Variants in ZNF521 observed in about 807,000 individuals in gnomAD.
ZNF521 encodes LYST-interacting protein 3.
A neutral mutation model predicts 105.5 loss-of-function variants in ZNF521; 14 were observed. The ratio of observed to expected loss-of-function variants is 0.13; its 90% CI spans 0.09 to 0.21. ZNF521 has a LOEUF of 0.21. Ranked by LOEUF, ZNF521 falls within the 10% of genes least tolerant of loss-of-function variation. ZNF521 has a pLI of 1.00. For synonymous variants in ZNF521, 635 were observed against 606.0 expected (o/e 1.05, Z -0.70); for missense variants, 1,233 against 1,629.7 (o/e 0.76, Z 4.19).
chr18:25,100,965 C>A (rs2144256311), intron 5 of ZNF521, among the ~76,000 whole-genome samples: 1 of 152,272 alleles, frequency 6.6e-6, no homozygotes, highest in South Asian at 2.1e-4. Flanking sequence ...TGCCAGAAGG[C>A]AGAGGAGCAT....
intron 7 of ZNF521, among the ~76,000 whole-genome samples, chr18:25,068,276 T>C (rs1440298383): frequency 1.3e-5 from 2 of 152,238 alleles, no homozygotes; most frequent in African/African-American, 4.8e-5. Flanking sequence ...TGTTTTTTCT[T>C]TAGTTGAAGA....
chr18:25,116,924 T>C (rs1350562185), intron 5 of ZNF521, among the ~76,000 whole-genome samples: 2 of 127,982 alleles, frequency 1.6e-5, no homozygotes, highest in African/African-American at 3.2e-5. Flanking sequence ...TATATCTATG[T>C]ATATATATAC....
intron 7 of ZNF521, among the ~76,000 whole-genome samples, chr18:25,063,457 G>T (rs1198098018): frequency 6.6e-6 from 1 of 152,130 alleles, no homozygotes; most frequent in Non-Finnish European, 1.5e-5. Flanking sequence ...CTGTATATTG[G>T]TGGTCCCTGC....
intron 4 of ZNF521, among the ~76,000 whole-genome samples, chr18:25,222,209 C>G (rs150398372): frequency 1.8e-4 from 27 of 152,202 alleles, no homozygotes; most frequent in African/African-American, 6.0e-4. Flanking sequence ...AAAACTTAAA[C>G]AAGTATTTTA....
intron 5 of ZNF521, among the ~76,000 whole-genome samples, chr18:25,149,102 A>G (rs113524594): frequency 0.018 from 2,810 of 152,292 alleles, 80 homozygotes; most frequent in African/African-American, 0.062. Flanking sequence ...CCACTGGCCA[A>G]ATATAGTCTG....
At chr18:25,169,831 C>T (rs1178716464) in intron 5 of ZNF521, among the ~76,000 whole-genome samples, 1 of 152,114 alleles carries the variant, frequency 6.6e-6, no homozygotes, top group East Asian at 1.9e-4. Context: ...GTTAATCTCA[C>T]TATACTAATA....
intron 4 of ZNF521, among the ~76,000 whole-genome samples, chr18:25,221,979 T>C (rs1905754626): frequency 6.6e-6 from 1 of 152,156 alleles, no homozygotes; most frequent in Non-Finnish European, 1.5e-5. Context: ...TTATAACAAA[T>C]AGTATGATGA....
At chr18:25,089,431 A>C in intron 7 of ZNF521, 34 bp downstream of exon 7, 1 of 1,496,898 alleles carries the variant, frequency 6.7e-7, no homozygotes, top group Non-Finnish European at 9.3e-7. Flanking sequence ...ATAGCAACTG[A>C]GTTCAATCCC....
At chr18:25,249,759 G>C (rs990562243) in intron 3 of ZNF521, among the ~76,000 whole-genome samples, 1 of 152,088 alleles carries the variant, frequency 6.6e-6, no homozygotes, top group African/African-American at 2.4e-5. Flanking sequence ...ACCATTCCTG[G>C]TCTTCTTTAC....
intron 3 of ZNF521, among the ~76,000 whole-genome samples, chr18:25,265,071 C>T (rs1475273373): frequency 2.6e-5 from 4 of 152,118 alleles, no homozygotes; most frequent in African/African-American, 9.7e-5. Context: ...AATAGGTTCC[C>T]TTCTAAAACT....
At chr18:25,265,525 C>G (rs190295756) in intron 3 of ZNF521, among the ~76,000 whole-genome samples, 3 of 152,322 alleles carry the variant, frequency 2.0e-5, no homozygotes, top group Non-Finnish European at 2.9e-5. Flanking sequence ...CTAAGGAGCG[C>G]TCTACATATC....
At chr18:25,203,294 C>G (rs2036023187) in intron 4 of ZNF521, among the ~76,000 whole-genome samples, 2 of 152,034 alleles carry the variant, frequency 1.3e-5, no homozygotes. Context: ...GATCTGAGGT[C>G]TAAAATGGGA....
Position 25,089,571 on chromosome 18 carries a change from T to C in ZNF521, c.3800A>G (p.Gln1267Arg). 7 of 1,613,388 alleles carry C rather than the reference T, an allele frequency of 4.3e-6. No individual in the cohort carries two copies. The highest frequency in any genetic ancestry group is 5.9e-6 in the Non-Finnish European group (7 of 1,179,300). ...AATATGCTGCTGCAACTTGTTTGCTTGAACAAATACTGAAATGATAAAAGA... is the reference window on the plus strand; with the variant it reads ...AATATGCTGCTGCAACTTGTTTGCTCGAACAAATACTGAAATGATAAAAGA... ...KCPVCFTVFV[Q>R]ANKLQQHIFS... The change falls in exon 7 of 8, where the codon CAA (glutamine) becomes CGA (arginine). Residue 1267 changes from glutamine to arginine, a missense_variant. Gln to Arg is a conservative substitution (Grantham distance 43). Around this residue, in one of 6 missense-constraint regions of ZNF521, gnomAD observed 76 missense variants for 137.2 expected, o/e 0.55. Transcript: ENST00000361524.
Position 25,085,345 on chromosome 18 carries a change from T to C in ZNF521, c.3906+4120A>G, listed in dbSNP as rs374625665. ...TTTGGTCAGCAAGGTTTATGGGTTG[T>C]GTGATGAACGTAACTTCTACACTGG... On this transcript the variant is annotated intron_variant, in intron 7 of 7. Coordinates refer to ENST00000361524, the MANE Select transcript of ZNF521 (RefSeq NM_015461.3). Among the ~76,000 whole-genome samples, 88 of 152,000 alleles carry C rather than the reference T, an allele frequency of 5.8e-4. No individual in the cohort carries two copies. The East Asian group carries it at 0.013, about 22-fold the overall frequency.
intron 5 of ZNF521, among the ~76,000 whole-genome samples, chr18:25,169,132 T>C (rs1331608480): frequency 6.6e-6 from 1 of 152,236 alleles, no homozygotes; most frequent in Non-Finnish European, 1.5e-5. Flanking sequence ...CCCTTTTAAC[T>C]GTCCAACTAT....
intron 3 of ZNF521, among the ~76,000 whole-genome samples, chr18:25,233,461 A>C (rs561959644): frequency 1.6e-4 from 24 of 152,300 alleles, no homozygotes; most frequent in Admixed American, 1.4e-3. Context: ...CTTTAAAATT[A>C]TTTATAATTC....
Position 25,148,837 on chromosome 18 carries a change from T to C in ZNF521, c.3658+46323A>G, listed in dbSNP as rs985134675. 3.9e-5 allele frequency among the ~76,000 whole-genome samples: 6 copies of C among 152,310 alleles called. No individual in the cohort carries two copies. The East Asian group carries it at 1.2e-3, about 29-fold the overall frequency. Reference sequence around the variant, plus strand: ...CTTAACATCAGAAATGCCTAAAAGATACAATTATTTAAGACTACTATTCCT... The same window carrying C: ...CTTAACATCAGAAATGCCTAAAAGACACAATTATTTAAGACTACTATTCCT... On this transcript the variant is annotated intron_variant, in intron 5 of 7. Transcript: ENST00000361524.
chr18:25,211,786 T>C (rs1383510921), intron 4 of ZNF521, among the ~76,000 whole-genome samples: 1 of 152,238 alleles, frequency 6.6e-6, no homozygotes, highest in Non-Finnish European at 1.5e-5. Context: ...GTTTACAAAA[T>C]AATTCCCTTA....
At chr18:25,121,315 C>T (rs542783822) in intron 5 of ZNF521, among the ~76,000 whole-genome samples, 2 of 148,240 alleles carry the variant, frequency 1.3e-5, no homozygotes, top group African/African-American at 5.0e-5. Context: ...CTCTGTTGCC[C>T]GCGATCTCAG....
Sources: allele counts gnomAD v4.1 joint callset (sites outside exome capture counted in the v4.1 genomes callset), GRCh38; gene constraint gnomAD v4.1.1; regional missense constraint gnomAD v4.1.1; transcripts MANE v1.5; gene names NCBI Gene and HGNC (gene_info 2026-07-23, HGNC 2026-07-21).